Variants in HK1 observed in about 807,000 individuals in gnomAD.
HK1 encodes the protein hexokinase 1, also known as hexokinase-1.
HK1 carries 28 observed loss-of-function variants against 91.6 expected under a neutral mutation model. That is an observed-to-expected ratio of 0.31 (90% CI 0.23 to 0.42). The LOEUF (loss-of-function observed/expected upper bound fraction) is 0.42. HK1 is among the 10% of genes least tolerant of loss of function. The pLI, the probability that HK1 is intolerant of heterozygous loss-of-function variation, is 1.00. For missense variants in HK1, 770 were observed against 1,219.8 expected, an observed-to-expected ratio of 0.63 and a Z score of 5.49; for synonymous variants, 430 against 468.1, an observed-to-expected ratio of 0.92 and a Z score of 1.05.
intron 1 of HK1, among the ~76,000 whole-genome samples, chr10:69,331,971 G>T (rs968528020): frequency 6.6e-6 from 1 of 152,188 alleles, no homozygotes; most frequent in South Asian, 2.1e-4. Flanking sequence ...TTTCATTTGG[G>T]AGTCTGAGGC....
chr10:69,315,892 G>T (rs1161816595), upstream of HK1: 6 of 1,538,388 alleles, frequency 3.9e-6, no homozygotes, highest in Admixed American at 6.7e-5. Context: ...CACTGGGCAA[G>T]ATGGCCCACC....
rs1010687592 is a variant in HK1 at position 69,300,579 on chromosome 10, ACATCAAAT to A, written c.-66-188_-66-181del. On this transcript the variant is annotated intron_variant, in intron 4 of 21. Transcript: ENST00000360289. ...GCATTTCTCTAGATCTTTGAGTTGC[ACATCAAAT>A]CTGGGGCTGATCATGCCACACTTGT... 15 of 697,590 alleles carry A rather than the reference ACATCAAAT, an allele frequency of 2.2e-5. No homozygotes were observed. The African/African-American group carries it at 2.7e-4, about 12-fold the overall frequency. 43.2% of individuals were successfully genotyped at this position (697,590 alleles called of 1,614,324 possible).
chr10:69,281,348 G>C (rs1406587448), intron 1 of HK1, among the ~76,000 whole-genome samples: 1 of 152,202 alleles, frequency 6.6e-6, no homozygotes, highest in East Asian at 1.9e-4. Context: ...CGGGGACCAA[G>C]CCAGCCCACT....
chr10:69,383,363 CA>C (rs1417813313), intron 10 of HK1, among the ~76,000 whole-genome samples: 3 of 152,288 alleles, frequency 2.0e-5, no homozygotes, highest in African/African-American at 7.2e-5. Flanking sequence ...AATTGTAGAA[CA>C]AAATCCAACC....
At chr10:69,276,718 TTATTAATTAACATAA>T (rs1417488894) in intron 1 of HK1, among the ~76,000 whole-genome samples, 14 of 150,622 alleles carry the variant, frequency 9.3e-5, no homozygotes, top group Non-Finnish European at 1.8e-4. Flanking sequence ...AATTATTTAA[TTATTAATTAACATAA>T]TAATTAAACA....
chr10:69,286,077 T>C (rs1015073447), intron 2 of HK1, among the ~76,000 whole-genome samples: 1 of 152,166 alleles, frequency 6.6e-6, no homozygotes, highest in African/African-American at 2.4e-5. Context: ...ATAGCAGTGT[T>C]TTAACTAGAC....
chr10:69,390,445 G>T (rs1839846226), intron 14 of HK1, among the ~76,000 whole-genome samples: 1 of 152,184 alleles, frequency 6.6e-6, no homozygotes. Context: ...GACTCCCATA[G>T]GCAAGATGTA....
intron 2 of HK1, among the ~76,000 whole-genome samples, chr10:69,288,231 A>C (rs1845123838): frequency 6.6e-6 from 1 of 152,182 alleles, no homozygotes; most frequent in Non-Finnish European, 1.5e-5. Context: ...CTTTGGACAT[A>C]GTCATAAGCA....
chr10:69,376,752 C>T (rs982861463), intron 7 of HK1, among the ~76,000 whole-genome samples, 182 bp from the exon 8 acceptor site: 1 of 152,180 alleles, frequency 6.6e-6, no homozygotes, highest in Non-Finnish European at 1.5e-5. Context: ...CCACAGTCGG[C>T]TTGGCTTCCG....
chr10:69,356,744 G>A (rs537024371), intron 2 of HK1, among the ~76,000 whole-genome samples: 6 of 152,156 alleles, frequency 3.9e-5, no homozygotes, highest in South Asian at 4.2e-4. Context: ...TTAGCCAGGC[G>A]TGGTGGTGCA....
intron 2 of HK1, among the ~76,000 whole-genome samples, chr10:69,286,166 A>C (rs559632747): frequency 3.9e-5 from 6 of 152,240 alleles, no homozygotes; most frequent in Non-Finnish European, 8.8e-5. Context: ...CCCATATAGC[A>C]TAATAAGGAG....
chr10:69,279,916 G>A (rs539402828), intron 1 of HK1, among the ~76,000 whole-genome samples: 69 of 152,294 alleles, frequency 4.5e-4, no homozygotes, highest in African/African-American at 1.6e-3. Context: ...TTTAATAAAA[G>A]CATGTATAAG....
At chr10:69,332,741 C>A (rs1009179876) in intron 1 of HK1, among the ~76,000 whole-genome samples, 1 of 152,044 alleles carries the variant, frequency 6.6e-6, no homozygotes, top group Non-Finnish European at 1.5e-5. Flanking sequence ...CCCCACTTTT[C>A]AAATGAGAGA....
intron 1 of HK1, among the ~76,000 whole-genome samples, chr10:69,282,311 G>A (rs1350418288): frequency 6.6e-6 from 1 of 152,060 alleles, no homozygotes; most frequent in Non-Finnish European, 1.5e-5. Context: ...CACACCCAAG[G>A]TTTCTGAGGT....
chr10:69,335,704 C>T (rs966201746), intron 1 of HK1, among the ~76,000 whole-genome samples: 17 of 152,204 alleles, frequency 1.1e-4, no homozygotes, highest in African/African-American at 3.1e-4. Flanking sequence ...AACAGGTAAA[C>T]GCGCTGTGCC....
intron 1 of HK1, among the ~76,000 whole-genome samples, chr10:69,338,827 A>G (rs546145034): frequency 6.6e-6 from 1 of 151,930 alleles, no homozygotes; most frequent in South Asian, 2.1e-4. Flanking sequence ...GGAGGAGAGT[A>G]AAGATCTGGA....
upstream of HK1, chr10:69,315,673 A>G (rs1334896328): frequency 3.9e-6 from 2 of 508,646 alleles, no homozygotes; most frequent in Admixed American, 6.1e-5. Flanking sequence ...GCAGTGCAGC[A>G]TGGGCCCTGG....
At chr10:69,352,240 G>A (rs769200004) in intron 2 of HK1, among the ~76,000 whole-genome samples, 2 of 152,016 alleles carry the variant, frequency 1.3e-5, no homozygotes, top group East Asian at 1.9e-4. Context: ...TGATCCACCC[G>A]CCTCAGCCTC....
chr10:69,340,989 C>T (rs1848259043), intron 1 of HK1, among the ~76,000 whole-genome samples: 1 of 152,082 alleles, frequency 6.6e-6, no homozygotes, highest in Non-Finnish European at 1.5e-5. Flanking sequence ...CTCCAGGAAG[C>T]CTTCTCTCCC....
Sources: gnomAD v4.1 joint callset for allele counts (sites outside exome capture counted in the v4.1 genomes callset) on GRCh38, gnomAD v4.1.1 for gene constraint, MANE v1.5 for transcripts, NCBI Gene and HGNC (gene_info 2026-07-23, HGNC 2026-07-21) for gene names.